GUCY1A1: variants seen among roughly 807,000 people sequenced by gnomAD.
The protein encoded by GUCY1A1 is guanylate cyclase 1 soluble subunit alpha 1.
A neutral mutation model predicts 64.5 loss-of-function variants in GUCY1A1; 48 were observed. The ratio of observed to expected loss-of-function variants is 0.74; its 90% CI spans 0.59 to 0.95. GUCY1A1 has a LOEUF of 0.95. Ranked by LOEUF, GUCY1A1 falls within the 40% of genes least tolerant of loss-of-function variation. The pLI is 0.00. For missense variants in GUCY1A1, 804 were observed against 825.3 expected (o/e 0.97, Z 0.32); for synonymous variants, 308 against 303.4 (o/e 1.02, Z -0.16).
At chr4:155,716,384 A>C (rs537695509) in intron 7 of GUCY1A1, among the ~76,000 whole-genome samples, 1 of 152,306 alleles carries the variant, frequency 6.6e-6, no homozygotes, top group South Asian at 2.1e-4. Flanking sequence ...TCTTAGAATT[A>C]GGGGGTTATT....
chr4:155,668,614 A>AT lies in GUCY1A1; in HGVS notation c.-113+1204dup, dbSNP rs59646673. 4.2e-3 allele frequency among the ~76,000 whole-genome samples: 636 copies of AT among 151,884 alleles called. 7 individuals carry two copies. Among genetic ancestry groups the AT allele is most frequent in the African/African-American group, 0.013 (536 of 41,420 alleles). ...GGTAAGCATAGAAGCACTTGATATAATTTTTTTTTATCTTGGTTCAGAGTG... is the reference window on the plus strand; with the variant it reads ...GGTAAGCATAGAAGCACTTGATATAATTTTTTTTTTATCTTGGTTCAGAGTG... On this transcript the variant is annotated intron_variant, in intron 2 of 9. Transcript: ENST00000506455.
chr4:155,724,817 T>C (rs1408432232), intron 9 of GUCY1A1, among the ~76,000 whole-genome samples: 1 of 152,124 alleles, frequency 6.6e-6, no homozygotes, highest in Non-Finnish European at 1.5e-5. Context: ...TACAGACTCA[T>C]ATATCCTATT....
chr4:155,726,684 T>G (rs1042124158), intron 9 of GUCY1A1, among the ~76,000 whole-genome samples: 1 of 152,044 alleles, frequency 6.6e-6, no homozygotes, highest in African/African-American at 2.4e-5. Flanking sequence ...TTCTAATCAG[T>G]GATTCAGAAT....
chr4:155,725,410 T>G (rs1193394614), intron 9 of GUCY1A1, among the ~76,000 whole-genome samples: 1 of 152,032 alleles, frequency 6.6e-6, no homozygotes, highest in Non-Finnish European at 1.5e-5. Context: ...GATAATATGA[T>G]TCTACTCTCT....
rs1299075753 is a variant in GUCY1A1, at chr4:155,722,176, A to G, written c.1855A>G (p.Ser619Gly). ...CAGTGTACCACGAAAAATCAATGTCAGCCCAACAACTTACAGGTAGTAATT... is the reference window on the plus strand; with the variant it reads ...CAGTGTACCACGAAAAATCAATGTCGGCCCAACAACTTACAGGTAGTAATT... The part of the protein sequence containing the change: ...SCSVPRKINV[S>G]PTTYRLLKDC... The change falls in exon 9 of 10, where the codon AGC (serine) becomes GGC (glycine). Residue 619 changes from serine (S) to glycine (G), a missense_variant. Ser to Gly is a moderately conservative substitution (Grantham distance 56). Coordinates refer to ENST00000506455, the MANE Select transcript of GUCY1A1 (RefSeq NM_001130682.3). 1 of 1,612,722 alleles carries G rather than the reference A, an allele frequency of 6.2e-7. No homozygotes were observed. The highest frequency in any genetic ancestry group is 8.5e-7 in the Non-Finnish European group (1 of 1,179,064).
intron 2 of GUCY1A1, among the ~76,000 whole-genome samples, chr4:155,679,174 T>A (rs1038567679): frequency 7.7e-4 from 101 of 131,914 alleles, no homozygotes; most frequent in African/African-American, 2.5e-3. Flanking sequence ...ATGCTCTTTT[T>A]AAATATTTCA....
intron 9 of GUCY1A1, among the ~76,000 whole-genome samples, chr4:155,728,062 G>A (rs748990394): frequency 5.9e-5 from 9 of 151,850 alleles, no homozygotes; most frequent in Non-Finnish European, 1.3e-4. Flanking sequence ...TAAAGCCAGA[G>A]GAAAATAGAT....
intron 8 of GUCY1A1, 129 bp from the exon 9 acceptor site, chr4:155,721,909 A>G (rs1734001219): frequency 1.4e-6 from 1 of 702,206 alleles, no homozygotes; most frequent in Non-Finnish European, 2.5e-6. Flanking sequence ...AGTTGGCTGA[A>G]GGTTTTGAGG....
At chr4:155,699,539 A>C (rs1163140075) in intron 3 of GUCY1A1, among the ~76,000 whole-genome samples, 2 of 152,186 alleles carry the variant, frequency 1.3e-5, no homozygotes, top group Non-Finnish European at 2.9e-5. Flanking sequence ...AGGAGATGGA[A>C]GAGGTATGTT....
At chr4:155,714,934 T>C (rs1404218754) in intron 7 of GUCY1A1, among the ~76,000 whole-genome samples, 2 of 152,218 alleles carry the variant, frequency 1.3e-5, no homozygotes, top group African/African-American at 4.8e-5. Flanking sequence ...GTCTTAGAAT[T>C]GTGAGAAGGA....
intron 2 of GUCY1A1, among the ~76,000 whole-genome samples, chr4:155,674,199 CA>C (rs1436809606): frequency 3.3e-5 from 5 of 150,946 alleles, no homozygotes; most frequent in African/African-American, 9.9e-5. Flanking sequence ...ACTAAAAATA[CA>C]AAAAATTAGC....
intron 2 of GUCY1A1, among the ~76,000 whole-genome samples, chr4:155,676,228 T>C (rs1456924804): frequency 6.7e-6 from 1 of 150,272 alleles, no homozygotes; most frequent in Non-Finnish European, 1.5e-5. Flanking sequence ...TAGGGTGTAT[T>C]GGGCAACAAT....
At chr4:155,683,960 A>G (rs1289136064) in intron 2 of GUCY1A1, among the ~76,000 whole-genome samples, 1 of 152,178 alleles carries the variant, frequency 6.6e-6, no homozygotes, top group African/African-American at 2.4e-5. Context: ...CAATACACCT[A>G]TACACCTCCT....
At chr4:155,699,093 G>A (rs1451259425) in intron 3 of GUCY1A1, among the ~76,000 whole-genome samples, 1 of 148,070 alleles carries the variant, frequency 6.8e-6, no homozygotes, top group Non-Finnish European at 1.5e-5. Flanking sequence ...TTATTTATTT[G>A]GTTGTATCAT....
intron 5 of GUCY1A1, among the ~76,000 whole-genome samples, chr4:155,710,099 C>A (rs1732357755): frequency 6.6e-6 from 1 of 152,176 alleles, no homozygotes. Flanking sequence ...AACTGAGTTT[C>A]ATGCCAGTAA....
intron 2 of GUCY1A1, among the ~76,000 whole-genome samples, chr4:155,672,298 C>G (rs1201920860): frequency 6.6e-6 from 1 of 152,102 alleles, no homozygotes; most frequent in Non-Finnish European, 1.5e-5. Context: ...ACATCTTCAT[C>G]CAAGTAACTA....
chr4:155,707,912 A>G (rs1350847993), intron 4 of GUCY1A1, among the ~76,000 whole-genome samples: 1 of 147,802 alleles, frequency 6.8e-6, no homozygotes, highest in East Asian at 2.0e-4. Context: ...GCTCACTGCT[A>G]CCTCTGCCCC....
chr4:155,688,167 G>A (rs1425896437), intron 2 of GUCY1A1, among the ~76,000 whole-genome samples: 1 of 151,918 alleles, frequency 6.6e-6, no homozygotes. Flanking sequence ...GGTGGAGCTT[G>A]CAGTGAGCCG....
chr4:155,682,384 T>C (rs1448845026), intron 2 of GUCY1A1, among the ~76,000 whole-genome samples: 1 of 152,134 alleles, frequency 6.6e-6, no homozygotes, highest in Non-Finnish European at 1.5e-5. Flanking sequence ...TATATATACA[T>C]AAGAAAATTC....
Sources: allele counts gnomAD v4.1 joint callset (sites outside exome capture counted in the v4.1 genomes callset), GRCh38; gene constraint gnomAD v4.1.1; transcripts MANE v1.5; gene names NCBI Gene and HGNC (gene_info 2026-07-23, HGNC 2026-07-21).